LARGE1: variants seen among roughly 807,000 people sequenced by gnomAD.
LARGE1 encodes the protein LARGE xylosyl- and glucuronyltransferase 1.
In LARGE1, 43 loss-of-function variants were observed where a neutral mutation model predicts 87.6. That is an observed-to-expected ratio of 0.49 (90% CI 0.38 to 0.63). LARGE1 has a LOEUF of 0.63. LARGE1 is among the 30% of genes least tolerant of loss of function. The pLI is 0.00. For synonymous variants in LARGE1, 434 were observed against 394.6 expected (o/e 1.10, Z -1.18); for missense variants, 802 against 1,000.2 (o/e 0.80, Z 2.67).
intron 2 of LARGE1, among the ~76,000 whole-genome samples, chr22:33,723,316 A>G (rs371548247): frequency 3.9e-5 from 6 of 152,284 alleles, no homozygotes; most frequent in Admixed American, 6.5e-5. Context: ...CGGTGTAAAG[A>G]GCACAGCCTT....
the LARGE1 span, among the ~76,000 whole-genome samples, chr22:33,133,489 T>C: frequency 6.6e-6 from 1 of 152,204 alleles, no homozygotes; most frequent in African/African-American, 2.4e-5. Flanking sequence ...TTTATCCATG[T>C]CCCTGCAAGG....
At chr22:33,476,933 C>T (rs1322470021) in intron 6 of LARGE1, among the ~76,000 whole-genome samples, 4 of 152,240 alleles carry the variant, frequency 2.6e-5, no homozygotes, top group South Asian at 4.1e-4. Context: ...TGCTGCCCTG[C>T]GATTCTTCGG....
intron 10 of LARGE1, among the ~76,000 whole-genome samples, chr22:33,322,195 A>G (rs985820729): frequency 2.6e-5 from 4 of 152,210 alleles, no homozygotes; most frequent in African/African-American, 4.8e-5. Context: ...AAATGGCTCC[A>G]GGAACCACTT....
chr22:33,484,408 G>A (rs16992429), intron 6 of LARGE1, among the ~76,000 whole-genome samples: 360 of 152,294 alleles, frequency 2.4e-3, no homozygotes, highest in African/African-American at 8.3e-3. Context: ...ATCATACTTG[G>A]AAAGAGAATA....
At chr22:33,398,351 G>A (rs1302716648) in intron 7 of LARGE1, among the ~76,000 whole-genome samples, 4 of 151,788 alleles carry the variant, frequency 2.6e-5, no homozygotes, top group Non-Finnish European at 5.9e-5. Context: ...TAAAAAAAAA[G>A]GTCAAGGATC....
chr22:33,647,361 T>C (rs1326260660), intron 3 of LARGE1, among the ~76,000 whole-genome samples: 2 of 152,222 alleles, frequency 1.3e-5, no homozygotes, highest in African/African-American at 4.8e-5. Context: ...GTTGTGTCAA[T>C]AGGATCTAAA....
At chr22:33,854,890 T>G (rs552505048) in intron 1 of LARGE1, among the ~76,000 whole-genome samples, 2 of 152,196 alleles carry the variant, frequency 1.3e-5, no homozygotes, top group Non-Finnish European at 2.9e-5. Flanking sequence ...GGTGCCATGT[T>G]GCATCAAGCG....
Position 33,689,326 on chromosome 22 carries a change from C to T in LARGE1, c.107-38658G>A, listed in dbSNP as rs368690318. On this transcript the variant is annotated intron_variant, in intron 2 of 14. Coordinates refer to ENST00000397394, the MANE Select transcript of LARGE1 (RefSeq NM_133642.5). Reference sequence around the variant, plus strand: ...CACAGTTGCTCAAGCAGGAAGAACTCCAGAGCACACCCTGATGAATGCCCA... The same window carrying T: ...CACAGTTGCTCAAGCAGGAAGAACTTCAGAGCACACCCTGATGAATGCCCA... Among the ~76,000 whole-genome samples, 4 of 152,246 alleles carry T rather than the reference C, an allele frequency of 2.6e-5. No individual in the cohort carries two copies. In the East Asian group the frequency reaches 7.8e-4, roughly 30 times the overall value.
intron 12 of LARGE1, among the ~76,000 whole-genome samples, chr22:33,297,979 C>CAAAAA (rs757656914): frequency 3.9e-4 from 19 of 48,754 alleles, no homozygotes; most frequent in African/African-American, 8.9e-4. Context: ...GACATCATCT[C>CAAAAA]AAAAAAAAAA....
the LARGE1 span, among the ~76,000 whole-genome samples, chr22:33,118,892 A>C: frequency 1.3e-5 from 2 of 152,234 alleles, no homozygotes; most frequent in Non-Finnish European, 2.9e-5. Context: ...GGGAGGAGGC[A>C]ATACTACATT....
chr22:33,475,571 C>T (rs1205449042), intron 6 of LARGE1, among the ~76,000 whole-genome samples: 1 of 151,978 alleles, frequency 6.6e-6, no homozygotes, highest in South Asian at 2.1e-4. Context: ...AGGGGATTCT[C>T]CTGCCTCAGC....
chr22:33,508,065 T>G (rs2070849404), intron 6 of LARGE1, among the ~76,000 whole-genome samples: 2 of 150,918 alleles, frequency 1.3e-5, no homozygotes, highest in Non-Finnish European at 3.0e-5. Flanking sequence ...ATGTGCTCCC[T>G]CTCCTAATTA....
intron 7 of LARGE1, among the ~76,000 whole-genome samples, chr22:33,420,249 G>T (rs776479618): frequency 5.3e-5 from 8 of 152,172 alleles, no homozygotes; most frequent in Non-Finnish European, 1.0e-4. Flanking sequence ...TACAGGCCAG[G>T]CATGATTCCA....
chr22:33,669,537 T>C (rs566731632), intron 2 of LARGE1, among the ~76,000 whole-genome samples: 2 of 152,324 alleles, frequency 1.3e-5, no homozygotes, highest in East Asian at 3.9e-4. Context: ...CACATCCCTC[T>C]TCCTTGATAC....
intron 1 of LARGE1, among the ~76,000 whole-genome samples, chr22:33,855,288 C>T (rs1291742560): frequency 6.6e-6 from 1 of 152,018 alleles, no homozygotes; most frequent in African/African-American, 2.4e-5. Flanking sequence ...GAGCGGAGAT[C>T]GCGCCACCAC....
intron 6 of LARGE1, among the ~76,000 whole-genome samples, chr22:33,471,415 T>A (rs114561650): frequency 0.01 from 1,540 of 152,214 alleles, 15 homozygotes; most frequent in Middle Eastern, 0.031. Context: ...CAAAAACAAC[T>A]ATAATAATAA....
chr22:33,696,233 A>G (rs984256524), intron 2 of LARGE1, among the ~76,000 whole-genome samples: 1 of 138,760 alleles, frequency 7.2e-6, no homozygotes, highest in African/African-American at 2.7e-5. Flanking sequence ...TCTATTCAGT[A>G]TTTTTCTTTC....
intron 11 of LARGE1, among the ~76,000 whole-genome samples, chr22:33,193,716 G>A (rs1923912595): frequency 6.6e-6 from 1 of 152,004 alleles, no homozygotes. Flanking sequence ...TACTCAGGAG[G>A]CTGAAGCATG....
intron 6 of LARGE1, among the ~76,000 whole-genome samples, chr22:33,480,158 T>C (rs987657143): frequency 1.3e-5 from 2 of 151,764 alleles, no homozygotes; most frequent in Admixed American, 1.3e-4. Flanking sequence ...ACACAGAGAG[T>C]GAATGACAAC....
Sources: gnomAD v4.1 joint callset for allele counts (sites outside exome capture counted in the v4.1 genomes callset) on GRCh38, gnomAD v4.1.1 for gene constraint, MANE v1.5 for transcripts, NCBI Gene and HGNC (gene_info 2026-07-23, HGNC 2026-07-21) for gene names.